The following PADI4 variants were observed in gnomAD, a reference collection of about 807,000 sequenced individuals.
PADI4 encodes the protein protein-arginine deiminase type-4.
PADI4 carries 62 observed loss-of-function variants against 75.0 expected under a neutral mutation model. That is an observed-to-expected ratio of 0.83 (90% CI 0.67 to 1.02). The LOEUF (loss-of-function observed/expected upper bound fraction) is 1.02, where lower values mean the gene tolerates loss of function less well. PADI4 is among the 50% of genes least tolerant of loss of function. The pLI is 0.00. For missense variants in PADI4, 845 were observed against 850.5 expected, an observed-to-expected ratio of 0.99 and a Z score of 0.08; for synonymous variants, 361 against 348.1, an observed-to-expected ratio of 1.04 and a Z score of -0.41.
At chr1:17,341,332 C>T (rs923899223) in intron 6 of PADI4, among the ~76,000 whole-genome samples, 2 of 152,204 alleles carry the variant, frequency 1.3e-5, no homozygotes, top group African/African-American at 4.8e-5. Context: ...ATCTCCTGAC[C>T]TTGTGATCCT....
chr1:17,308,354 G>C, intron 1 of PADI4, 40 bp downstream of exon 1: 3 of 1,496,068 alleles, frequency 2.0e-6, no homozygotes, highest in Non-Finnish European at 2.8e-6. Flanking sequence ...GGCAGGTCAG[G>C]AGATGCTGGA....
chr1:17,360,327 G>C (rs2074831821), intron 15 of PADI4, among the ~76,000 whole-genome samples: 1 of 151,932 alleles, frequency 6.6e-6, no homozygotes, highest in Admixed American at 6.6e-5. Context: ...TCTTGAGCTA[G>C]TGAAGACCTG....
intron 15 of PADI4, among the ~76,000 whole-genome samples, chr1:17,363,222 G>T (rs2100267025): frequency 6.6e-6 from 1 of 152,216 alleles, no homozygotes; most frequent in East Asian, 1.9e-4. Flanking sequence ...GGGCTCAAGT[G>T]ATCCTCCTCC....
chr1:17,314,849 G>A (rs2073904300), intron 1 of PADI4, among the ~76,000 whole-genome samples: 1 of 152,274 alleles, frequency 6.6e-6, no homozygotes, highest in African/African-American at 2.4e-5. Flanking sequence ...ATGGCTGAGT[G>A]CAAAACCACA....
chr1:17,317,434 A>G (rs575288857), intron 1 of PADI4, among the ~76,000 whole-genome samples: 3 of 150,806 alleles, frequency 2.0e-5, no homozygotes, highest in Admixed American at 6.6e-5. Context: ...ACACCTGGCT[A>G]ATTTTTTTGT....
intron 1 of PADI4, among the ~76,000 whole-genome samples, chr1:17,325,077 A>G (rs1289329497): frequency 6.6e-6 from 1 of 152,230 alleles, no homozygotes. Flanking sequence ...CTTTACAAGT[A>G]CCTTGACCAA....
At chr1:17,324,574 T>G (rs1360208517) in intron 1 of PADI4, among the ~76,000 whole-genome samples, 1 of 152,212 alleles carries the variant, frequency 6.6e-6, no homozygotes, top group African/African-American at 2.4e-5. Context: ...TCAAGTGATC[T>G]TCCCACCTTG....
chr1:17,327,587 G>A (rs2074136917), intron 1 of PADI4, among the ~76,000 whole-genome samples: 3 of 151,314 alleles, frequency 2.0e-5, no homozygotes, highest in Admixed American at 2.0e-4. Flanking sequence ...TGTCACCCAG[G>A]CTGGAGTACA....
At chr1:17,347,315 C>T (rs1166742081) in intron 9 of PADI4, among the ~76,000 whole-genome samples, 1 of 152,174 alleles carries the variant, frequency 6.6e-6, no homozygotes, top group East Asian at 1.9e-4. Flanking sequence ...AAGAGTGGAA[C>T]TTTCATCTGG....
chr1:17,330,123 C>A (rs1413663417), intron 1 of PADI4, among the ~76,000 whole-genome samples: 1 of 152,130 alleles, frequency 6.6e-6, no homozygotes, highest in Non-Finnish European at 1.5e-5. Context: ...GTGGACACAC[C>A]CCTCCATGCC....
At chr1:17,314,465 G>A (rs2073897942) in intron 1 of PADI4, among the ~76,000 whole-genome samples, 2 of 152,194 alleles carry the variant, frequency 1.3e-5, no homozygotes, top group Admixed American at 6.5e-5. Flanking sequence ...AGCCACTGGG[G>A]CATCTCCTGG....
chr1:17,314,850 C>T (rs2073904345), intron 1 of PADI4, among the ~76,000 whole-genome samples: 1 of 152,250 alleles, frequency 6.6e-6, no homozygotes, highest in African/African-American at 2.4e-5. Context: ...TGGCTGAGTG[C>T]AAAACCACAA....
At chr1:17,313,498 CAAA>C (rs71014933) in intron 1 of PADI4, among the ~76,000 whole-genome samples, 8 of 68,414 alleles carry the variant, frequency 1.2e-4, no homozygotes, top group African/African-American at 2.6e-4. Context: ...AAGACCTTGT[CAAA>C]AAAAAAAAAA....
At chr1:17,318,578 A>G (rs1258415209) in intron 1 of PADI4, among the ~76,000 whole-genome samples, 1 of 152,168 alleles carries the variant, frequency 6.6e-6, no homozygotes, top group African/African-American at 2.4e-5. Flanking sequence ...AGTGTGTCTT[A>G]ATGTCTTGAT....
At chr1:17,350,005 AG>A (rs1193516082) in intron 10 of PADI4, among the ~76,000 whole-genome samples, 1 of 124,676 alleles carries the variant, frequency 8.0e-6, no homozygotes, top group African/African-American at 2.6e-5. Flanking sequence ...TTCAGGTTTC[AG>A]CTTCTATTTC....
chr1:17,333,194 G>T (rs913865046), intron 2 of PADI4, among the ~76,000 whole-genome samples: 2 of 152,176 alleles, frequency 1.3e-5, no homozygotes, highest in Non-Finnish European at 2.9e-5. Context: ...AGGGAGACCA[G>T]ACAGAAGGCT....
chr1:17,325,972 A>C (rs1260148766), intron 1 of PADI4, among the ~76,000 whole-genome samples: 1 of 152,024 alleles, frequency 6.6e-6, no homozygotes, highest in Non-Finnish European at 1.5e-5. Flanking sequence ...CCAAAGTTCT[A>C]GGATTACAGG....
At chr1:17,363,412 C>A in intron 15 of PADI4, 110 bp from the exon 16 acceptor site, 1 of 719,088 alleles carries the variant, frequency 1.4e-6, no homozygotes, top group South Asian at 1.7e-5. Context: ...TCTGAGCCAC[C>A]ACCCCTGGAG....
chr1:17,330,999 C>T lies in PADI4; in HGVS notation c.123C>T (p.Ser41=), dbSNP rs746424344. The part of the protein sequence containing the change: ...SSAPEDCTSF[S]INASPGVVVD... The stretch of plus-strand genomic sequence containing the variant: ...CCCCTGAGGACTGCACGTCCTTCAG[C>T]ATCAACGCCTCCCCAGGGGTGGTCG... Residue 41 remains serine (S), a synonymous_variant, in exon 2 of 16, where the codon AGC becomes AGT. Coordinates refer to ENST00000375448, the MANE Select transcript of PADI4 (RefSeq NM_012387.3). 61 of 1,594,174 alleles carry T rather than the reference C, an allele frequency of 3.8e-5. No homozygotes were observed. Among genetic ancestry groups the T allele is most frequent in the Admixed American group, 1.5e-4 (8 of 55,150 alleles).
Sources: allele counts gnomAD v4.1 joint callset (sites outside exome capture counted in the v4.1 genomes callset), GRCh38; gene constraint gnomAD v4.1.1; transcripts MANE v1.5; gene names NCBI Gene and HGNC (gene_info 2026-07-23, HGNC 2026-07-21).